HRG: variants seen among roughly 807,000 people sequenced by gnomAD.
HRG encodes histidine-rich glycoprotein.
HRG carries 26 observed loss-of-function variants against 29.5 expected under a neutral mutation model. The observed-to-expected ratio is 0.88, with a 90% confidence interval of 0.65 to 1.22. HRG has a LOEUF of 1.22. Ranked by LOEUF, HRG falls within the 50% of genes most tolerant of loss-of-function variation. HRG has a pLI of 0.00. For synonymous variants in HRG, 243 were observed against 240.4 expected, an observed-to-expected ratio of 1.01 and a Z score of -0.10; for missense variants, 671 against 654.5, an observed-to-expected ratio of 1.03 and a Z score of -0.28.
At position 186,677,814 on chromosome 3, in the gene HRG, A is replaced by G; in HGVS notation, c.1509A>G (p.Ser503=). Residue 503 remains serine, a synonymous_variant, in exon 7 of 7, where the codon TCA becomes TCG. Transcript: ENST00000232003. The part of the protein sequence containing the change: ...NQPFPQSVSE[S]CPGKFKSGFP... ...CCTTTCCTCAATCAGTCTCTGAATC[A>G]TGTCCAGGGAAGTTCAAGAGTGGGT... 6.2e-7 allele frequency: 1 copy of G among 1,614,132 alleles called. No homozygotes were observed. The highest frequency in any genetic ancestry group is 8.5e-7 in the Non-Finnish European group (1 of 1,179,946).
rs761884753 is a variant in HRG at position 186,677,237 on chromosome 3, C to T, written c.932C>T (p.Pro311Leu). The T allele has an allele frequency of 1.2e-6, 2 of 1,614,098 alleles. No homozygotes were observed. The highest frequency in any genetic ancestry group is 1.7e-6 in the Non-Finnish European group (2 of 1,180,010). ...PDERDHSHGP[P>L]LPQGPPPLLP... ...GAAAGAGATCACTCACATGGACCCC[C>T]ACTTCCACAAGGCCCTCCTCCACTA... The change falls in exon 7 of 7, where the codon CCA becomes CTA. Residue 311 changes from proline (P) to leucine (L), a missense_variant. Physicochemically the swap from Pro to Leu is moderately conservative, Grantham distance 98 (BLOSUM62 -3). Coordinates refer to ENST00000232003, the MANE Select transcript of HRG (RefSeq NM_000412.5).
chr3:186,670,066 T>A, intron 3 of HRG, 38 bp downstream of exon 3: 1 of 1,019,386 alleles, frequency 9.8e-7, no homozygotes, highest in Non-Finnish European at 1.6e-6. Flanking sequence ...AATTCTTGAT[T>A]AATACAAATT....
chr3:186,671,704 C>G lies in HRG; in HGVS notation c.473C>G (p.Ala158Gly), dbSNP rs1180918447. The change falls in exon 4 of 7, where the codon GCC (alanine) becomes GGC (glycine). Residue 158 changes from alanine to glycine, a missense_variant. Transcript: ENST00000232003. Reference sequence around the variant, plus strand: ...GATACTGAGCGCTACAGAAAACAAGCCAACAAAGCCCTTGAGAAGTACAAA... The same window carrying G: ...GATACTGAGCGCTACAGAAAACAAGGCAACAAAGCCCTTGAGAAGTACAAA... ...FEDTERYRKQ[A>G]NKALEKYKEE... is the part of the protein sequence containing the mutation. The G allele has an allele frequency of 6.2e-7, 1 of 1,613,894 alleles. No homozygotes were observed. The highest frequency in any genetic ancestry group is 8.5e-7 in the Non-Finnish European group (1 of 1,179,848).
Position 186,677,939 on chromosome 3 carries a change from A to T in HRG, c.*56A>T. 6.6e-7 allele frequency: 1 copy of T among 1,519,342 alleles called. No homozygotes were observed. The highest frequency in any genetic ancestry group is 1.1e-5 in the South Asian group (1 of 87,474). The allele number at this position is 1,519,342 out of a possible 1,614,324, so 94.1% of individuals were successfully genotyped here. On this transcript the variant is annotated 3_prime_UTR_variant, in exon 7 of 7. Transcript: ENST00000232003. ...AATACATTGAATTAGAAACATAAAT[A>T]AAATGACCAGTAATTGTGAAAATTA...
rs776417466 is a variant in HRG, at chr3:186,677,758, C to T, written c.1453C>T (p.His485Tyr). Residue 485 changes from histidine to tyrosine, a missense_variant, in exon 7 of 7, where the codon CAC becomes TAC. Physicochemically the swap from His to Tyr is moderately conservative, Grantham distance 83 (BLOSUM62 2). Coordinates refer to ENST00000232003, the MANE Select transcript of HRG (RefSeq NM_000412.5). ...ANFPSFPLPH[H>Y]KHPLKPDNQP... ...TTTTCCCAGCTTCCCATTGCCGCAC[C>T]ACAAACATCCTCTAAAGCCAGACAA... 23 of 1,612,334 alleles carry T rather than the reference C, an allele frequency of 1.4e-5. No individual in the cohort carries two copies. The highest frequency in any genetic ancestry group is 2.0e-5 in the Non-Finnish European group (23 of 1,178,586).
chr3:186,674,270 C>T (rs1718897161), intron 5 of HRG: 2 of 152,276 alleles, frequency 1.3e-5, no homozygotes, highest in South Asian at 4.2e-4. Context: ...GTTGAAGCAC[C>T]AGAGCTGAAG....
At chr3:186,675,283 G>C (rs1718934524) in intron 6 of HRG, 93 bp downstream of exon 6, 1 of 587,774 alleles carries the variant, frequency 1.7e-6, no homozygotes, top group Admixed American at 2.4e-5. Context: ...CTCTATGAGT[G>C]GGTGTGTGTG....
chr3:186,676,391 A>G (rs904406968), intron 6 of HRG, among the ~76,000 whole-genome samples: 14 of 152,070 alleles, frequency 9.2e-5, no homozygotes, highest in African/African-American at 3.4e-4. Context: ...AAGGATAATG[A>G]AGTTTTTTAT....
intron 6 of HRG, 125 bp downstream of exon 6, chr3:186,675,315 G>GAC: frequency 1.5e-6 from 1 of 678,626 alleles, no homozygotes; most frequent in Non-Finnish European, 2.7e-6. Flanking sequence ...GTGTGAGAGA[G>GAC]AGAGAGAGAG....
chr3:186,668,465 T>C (rs145334098), intron 1 of HRG, among the ~76,000 whole-genome samples: 1 of 152,228 alleles, frequency 6.6e-6, no homozygotes, highest in East Asian at 1.9e-4. Flanking sequence ...GTGGTGCCAC[T>C]GACAAAGACG....
intron 5 of HRG, chr3:186,673,172 C>T (rs531473946): frequency 1.5e-5 from 6 of 408,006 alleles, no homozygotes; most frequent in Non-Finnish European, 2.8e-5. Context: ...GGCACAGTGT[C>T]GGCTCACTGC....
chr3:186,677,578 G>T lies in HRG; in HGVS notation c.1273G>T (p.Gly425Cys), dbSNP rs770686356. 6.2e-7 allele frequency: 1 copy of T among 1,613,920 alleles called. No homozygotes were observed. The highest frequency in any genetic ancestry group is 1.3e-5 in the African/African-American group (1 of 74,878). ...TTGTGACCCACCACCCCATAACCAA[G>T]GTCACTGTTGCCATGGCCACGGCCC... The part of the protein sequence containing the change: ...GPCDPPPHNQ[G>C]HCCHGHGPPP... The change falls in exon 7 of 7, where the codon GGT becomes TGT. Residue 425 changes from glycine to cysteine, a missense_variant. Physicochemically the swap from Gly to Cys is radical, Grantham distance 159. Transcript: ENST00000232003.
chr3:186,668,867 T>G (rs1332061107), intron 1 of HRG, 68 bp from the exon 2 acceptor site: 1 of 715,716 alleles, frequency 1.4e-6, no homozygotes, highest in Non-Finnish European at 2.4e-6. Context: ...ATATATAGCT[T>G]TAATACATAA....
Position 186,677,971 on chromosome 3 carries a change from T to C in HRG, c.*88T>C. On this transcript the variant is annotated 3_prime_UTR_variant, in exon 7 of 7. Transcript: ENST00000232003. ...CCAGTAATTGTGAAAATTACAGTTC[T>C]TTTCAACCTACTTTCATACTGAAGA... 1 of 1,304,634 alleles carries C rather than the reference T, an allele frequency of 7.7e-7. No homozygotes were observed. The allele number at this position is 1,304,634 out of a possible 1,614,324, so 80.8% of individuals were successfully genotyped here.
intron 1 of HRG, among the ~76,000 whole-genome samples, chr3:186,666,777 G>A (rs1037787498): frequency 3.3e-5 from 5 of 152,132 alleles, no homozygotes; most frequent in African/African-American, 9.7e-5. Context: ...GCTGGGCATG[G>A]TGGTGCACGC....
chr3:186,677,594 G>C lies in HRG; in HGVS notation c.1289G>C (p.Gly430Ala), dbSNP rs767306247. ...CATAACCAAGGTCACTGTTGCCATG[G>C]CCACGGCCCACCACCTGGGCACTTA... ...PPHNQGHCCHGHGPPPGHLRR... is the reference protein window; with the variant it reads ...PPHNQGHCCHAHGPPPGHLRR... Residue 430 changes from glycine to alanine, a missense_variant, in exon 7 of 7, where the codon GGC becomes GCC. Transcript: ENST00000232003. 8 of 1,614,122 alleles carry C rather than the reference G, an allele frequency of 5.0e-6. No homozygotes were observed. The highest frequency in any genetic ancestry group is 6.8e-6 in the Non-Finnish European group (8 of 1,180,004).
Position 186,678,073 on chromosome 3 carries a change from C to A in HRG, c.*190C>A. On this transcript the variant is annotated 3_prime_UTR_variant, in exon 7 of 7. Transcript: ENST00000232003. Reference sequence around the variant, plus strand: ...GGAAAGGAGAGGAAAGAACTCAGTGCTGCCTATTAGTAGTTAATTCTGTCA... The same window carrying A: ...GGAAAGGAGAGGAAAGAACTCAGTGATGCCTATTAGTAGTTAATTCTGTCA... The A allele has an allele frequency of 1.7e-6, 1 of 605,138 alleles. No individual in the cohort carries two copies. The highest frequency in any genetic ancestry group is 2.9e-6 in the Non-Finnish European group (1 of 344,872). The allele number at this position is 605,138 out of a possible 1,614,324, so 37.5% of individuals were successfully genotyped here.
chr3:186,669,639 A>C (rs2108574137), intron 2 of HRG: 1 of 433,650 alleles, frequency 2.3e-6, no homozygotes, highest in Non-Finnish European at 4.3e-6. Context: ...TTTCCAGAAA[A>C]TGAGAGGTTC....
At chr3:186,670,160 A>G in intron 3 of HRG, 132 bp downstream of exon 3, 1 of 690,372 alleles carries the variant, frequency 1.4e-6, no homozygotes, top group Non-Finnish European at 2.6e-6. Flanking sequence ...TATGATGTAC[A>G]TGAAAGAAAA....
Sources: gnomAD v4.1 joint callset for allele counts (sites outside exome capture counted in the v4.1 genomes callset) on GRCh38, gnomAD v4.1.1 for gene constraint, MANE v1.5 for transcripts, NCBI Gene and HGNC (gene_info 2026-07-23, HGNC 2026-07-21) for gene names.